Variants in HIVEP3 observed in about 807,000 individuals in gnomAD.
HIVEP3 encodes transcription factor HIVEP3.
A neutral mutation model predicts 152.8 loss-of-function variants in HIVEP3; 49 were observed. That is an observed-to-expected ratio of 0.32 (90% CI 0.26 to 0.41). HIVEP3 has a LOEUF of 0.41. HIVEP3 is among the 10% of genes least tolerant of loss of function. HIVEP3 has a pLI of 1.00. For missense variants in HIVEP3, 2,790 were observed against 3,103.3 expected, an observed-to-expected ratio of 0.90 and a Z score of 2.40; for synonymous variants, 1,269 against 1,289.0, an observed-to-expected ratio of 0.98 and a Z score of 0.33.
chr1:42,030,270 C>G (rs920315201), intron 1 of HIVEP3, among the ~76,000 whole-genome samples: 2 of 152,138 alleles, frequency 1.3e-5, no homozygotes, highest in African/African-American at 4.8e-5. Context: ...CTTTTTAGCT[C>G]ATCAGCTATC....
chr1:42,031,108 G>A (rs1406294990), intron 1 of HIVEP3, among the ~76,000 whole-genome samples: 4 of 152,120 alleles, frequency 2.6e-5, no homozygotes, highest in Non-Finnish European at 5.9e-5. Context: ...TAACAAAATA[G>A]CCTTTGAAAA....
intron 1 of HIVEP3, among the ~76,000 whole-genome samples, chr1:41,894,066 A>G (rs58446313): frequency 0.13 from 19,587 of 151,656 alleles, 2,964 homozygotes; most frequent in African/African-American, 0.37. Context: ...GATTACAGAC[A>G]CTCGCCACCA....
intron 5 of HIVEP3, among the ~76,000 whole-genome samples, chr1:41,541,515 A>G (rs577612950): frequency 1.6e-4 from 24 of 152,276 alleles, no homozygotes; most frequent in African/African-American, 5.8e-4. Flanking sequence ...CAGGCCTCTC[A>G]GCAGATCACC....
chr1:41,904,744 T>C (rs1644683283), intron 1 of HIVEP3, among the ~76,000 whole-genome samples: 1 of 152,220 alleles, frequency 6.6e-6, no homozygotes, highest in Non-Finnish European at 1.5e-5. Flanking sequence ...TCCACAATCA[T>C]GTTATTCTTC....
chr1:41,910,733 GA>G (rs774161110), intron 1 of HIVEP3, among the ~76,000 whole-genome samples: 3 of 151,616 alleles, frequency 2.0e-5, no homozygotes, highest in Admixed American at 1.3e-4. Flanking sequence ...ACAAATTAAA[GA>G]AAAAAATTAT....
chr1:41,829,691 A>C (rs1642906669), intron 1 of HIVEP3, among the ~76,000 whole-genome samples: 1 of 152,080 alleles, frequency 6.6e-6, no homozygotes, highest in East Asian at 1.9e-4. Context: ...AAAACTATGA[A>C]ATATATTCAT....
intron 1 of HIVEP3, among the ~76,000 whole-genome samples, chr1:41,825,491 G>A (rs1357664402): frequency 2.0e-5 from 3 of 151,982 alleles, no homozygotes; most frequent in Admixed American, 6.5e-5. Flanking sequence ...GGCTGGTCTC[G>A]AACCCCTGAT....
At chr1:41,649,702 A>C (rs1645516760) in intron 2 of HIVEP3, among the ~76,000 whole-genome samples, 1 of 152,194 alleles carries the variant, frequency 6.6e-6, no homozygotes. Context: ...CCAGTGGCTC[A>C]GGATCAAATG....
chr1:41,700,962 T>C lies in HIVEP3; in HGVS notation c.-767A>G, dbSNP rs1646353597. The C allele has an allele frequency of 1.0e-6, 1 of 985,260 alleles. No individual in the cohort carries two copies. The highest frequency in any genetic ancestry group is 1.2e-6 in the Non-Finnish European group (1 of 829,932). The allele number at this position is 985,260 out of a possible 1,614,324, so 61.0% of individuals were successfully genotyped here. A position where few individuals can be genotyped will look rare whatever the true frequency, so the allele number is the denominator to read the frequency against. Reference sequence around the variant, plus strand: ...CTCATGGTCAAGATGTGTCAGAGATTTCTAGAGCTTGGAGAACTGTGTTGG... The same window carrying C: ...CTCATGGTCAAGATGTGTCAGAGATCTCTAGAGCTTGGAGAACTGTGTTGG... On this transcript the variant is annotated 5_prime_UTR_variant, in exon 2 of 9. Transcript: ENST00000372583.
rs528483626 is a variant in HIVEP3, at chr1:41,890,855, T to A, written c.-801+27558A>T. Among the ~76,000 whole-genome samples the A allele has an allele frequency of 3.3e-4, 51 of 152,324 alleles. 1 individual carries two copies. Among genetic ancestry groups the A allele is most frequent in the African/African-American group, 1.2e-3 (48 of 41,566 alleles). ...AAGCTTCCTTATATAACCTGCACAT[T>A]GTCAACGCTCCACTCAGGCAGCTCT... On this transcript the variant is annotated intron_variant, in intron 1 of 8. Transcript: ENST00000372583.
rs776566105 is a variant in HIVEP3 at position 41,608,799 on chromosome 1, C to T, written c.-522+19950G>A. On this transcript the variant is annotated intron_variant, in intron 3 of 8. Transcript: ENST00000372583. ...TTCAAAAATGGCTTTCAGCTGGGCA[C>T]GGTGGCTCACACCTGTAATCCCAGC... is the stretch of plus-strand genomic sequence containing the variant. Among the ~76,000 whole-genome samples the T allele has an allele frequency of 4.0e-5, 6 of 151,854 alleles. 1 individual carries two copies. The South Asian group carries it at 6.2e-4, about 16-fold the overall frequency.
In HIVEP3 at chr1:41,580,696, C is replaced by G. The variant is rs1408297747; in HGVS notation, c.4102G>C (p.Val1368Leu). The G allele has an allele frequency of 1.2e-6, 2 of 1,604,400 alleles. No homozygotes were observed. The highest frequency in any genetic ancestry group is 3.4e-5 in the Admixed American group (2 of 59,068). The stretch of plus-strand genomic sequence containing the variant: ...ACCTCATGCACATCTGCACCACATA[C>G]AGTCGTCCCCTTTGATGGGGGTTCC... ...FEEPPSKGTT[V>L]CGADVHEVGP... The change falls in exon 4 of 9, where the codon GTA becomes CTA. Residue 1368 changes from valine to leucine, a missense_variant. Physicochemically the swap from Val to Leu is conservative, Grantham distance 32 (BLOSUM62 1). Coordinates refer to ENST00000372583, the MANE Select transcript of HIVEP3 (RefSeq NM_024503.5).
chr1:41,902,575 T>C (rs1570774186), intron 1 of HIVEP3, among the ~76,000 whole-genome samples: 1 of 152,286 alleles, frequency 6.6e-6, no homozygotes, highest in East Asian at 1.9e-4. Flanking sequence ...TCCAACTCTC[T>C]TGGCAAGAGG....
At chr1:41,861,342 G>C (rs1643885576) in intron 1 of HIVEP3, among the ~76,000 whole-genome samples, 1 of 152,208 alleles carries the variant, frequency 6.6e-6, no homozygotes, top group African/African-American at 2.4e-5. Flanking sequence ...AAACCTAGTT[G>C]CTCTACTCTA....
In HIVEP3 at chr1:41,791,121, T is replaced by TACACACACAC. The variant is rs60729364; in HGVS notation, c.-800-90136_-800-90127dup. Among the ~76,000 whole-genome samples the TACACACACAC allele has an allele frequency of 3.3e-4, 46 of 140,832 alleles. 1 individual carries two copies. Among genetic ancestry groups the TACACACACAC allele is most frequent in the South Asian group, 1.7e-3 (7 of 4,168 alleles). The allele number at this position is 140,832 out of a possible 152,430, so 92.4% of individuals were successfully genotyped here. A position where few individuals can be genotyped will look rare whatever the true frequency, so the allele number is the denominator to read the frequency against. On this transcript the variant is annotated intron_variant, in intron 1 of 8. Transcript: ENST00000372583. Reference sequence around the variant, plus strand: ...TCCCCACAGCACAGGCACACATGTGTACACACACACACACACACACACACA... The same window carrying TACACACACAC: ...TCCCCACAGCACAGGCACACATGTGTACACACACACACACACACACACACACACACACACA...
At chr1:41,757,695 G>GTATGTATTTATTTATT (rs1647403965) in intron 1 of HIVEP3, among the ~76,000 whole-genome samples, 1 of 145,152 alleles carries the variant, frequency 6.9e-6, no homozygotes, top group South Asian at 2.2e-4. Flanking sequence ...TTTCTACTTT[G>GTATGTATTTATTTATT]TATTTATTTA....
intron 1 of HIVEP3, among the ~76,000 whole-genome samples, chr1:41,900,046 T>C (rs189641996): frequency 3.2e-4 from 48 of 152,292 alleles, no homozygotes; most frequent in Non-Finnish European, 6.3e-4. Context: ...GTGAGAGTTA[T>C]TCTGAAGGGA....
intron 5 of HIVEP3, among the ~76,000 whole-genome samples, chr1:41,563,462 C>T (rs35086023): frequency 7.9e-5 from 12 of 152,088 alleles, no homozygotes; most frequent in Non-Finnish European, 1.2e-4. Flanking sequence ...CTTTTTCCTG[C>T]GGCTTCCAGA....
chr1:41,597,128 C>T (rs552889193), intron 3 of HIVEP3, among the ~76,000 whole-genome samples: 1 of 152,238 alleles, frequency 6.6e-6, no homozygotes, highest in South Asian at 2.1e-4. Context: ...TTTCTGCACA[C>T]TGGTCAAAAA....
Sources: allele counts gnomAD v4.1 joint callset (sites outside exome capture counted in the v4.1 genomes callset), GRCh38; gene constraint gnomAD v4.1.1; transcripts MANE v1.5; gene names NCBI Gene and HGNC (gene_info 2026-07-23, HGNC 2026-07-21).